The following KALRN variants were observed in gnomAD, a reference collection of about 807,000 sequenced individuals.
The protein encoded by KALRN is kalirin.
A neutral mutation model predicts 353.7 loss-of-function variants in KALRN; 70 were observed. The observed-to-expected ratio is 0.20, with a 90% CI of 0.16 to 0.24. The LOEUF (loss-of-function observed/expected upper bound fraction) is 0.24. Ranked by LOEUF, KALRN falls within the 10% of genes least tolerant of loss-of-function variation. The pLI is 1.00. For missense variants in KALRN, 2,791 were observed against 3,756.7 expected, an observed-to-expected ratio of 0.74 and a Z score of 6.72; for synonymous variants, 1,391 against 1,434.8, an observed-to-expected ratio of 0.97 and a Z score of 0.69.
intron 1 of KALRN, among the ~76,000 whole-genome samples, chr3:124,147,629 C>T (rs1220222928): frequency 1.4e-4 from 21 of 152,220 alleles, no homozygotes; most frequent in Admixed American, 1.4e-3. Flanking sequence ...CTGTTAACAT[C>T]TTGCACAACT....
chr3:124,467,744 A>T (rs1391410572), intron 25 of KALRN, among the ~76,000 whole-genome samples: 2 of 152,170 alleles, frequency 1.3e-5, no homozygotes, highest in African/African-American at 4.8e-5. Context: ...AGACGAGGAA[A>T]AGAAAGGAGA....
Position 124,681,120 on chromosome 3 carries a change from C to G in KALRN, c.7377+1603C>G, listed in dbSNP as rs2087721033. ...AAACAATTTAGGACCTTGTCCAGTTCTTGTGGACTAGGGGAGAAGAGTGAT... is the reference window on the plus strand; with the variant it reads ...AAACAATTTAGGACCTTGTCCAGTTGTTGTGGACTAGGGGAGAAGAGTGAT... On this transcript the variant is annotated intron_variant, in intron 51 of 59. Coordinates refer to ENST00000682506, the MANE Select transcript of KALRN (RefSeq NM_001388419.1). 2.0e-5 allele frequency among the ~76,000 whole-genome samples: 3 copies of G among 152,084 alleles called. No homozygotes were observed. The South Asian group carries it at 6.2e-4, about 32-fold the overall frequency.
chr3:124,325,203 C>T (rs1238211133), intron 6 of KALRN, among the ~76,000 whole-genome samples: 1 of 152,100 alleles, frequency 6.6e-6, no homozygotes. Context: ...GTAAACAAAA[C>T]ACAAGATGAC....
At chr3:124,417,940 G>A (rs2092593730) in intron 14 of KALRN, among the ~76,000 whole-genome samples, 1 of 152,162 alleles carries the variant, frequency 6.6e-6, no homozygotes, top group African/African-American at 2.4e-5. Context: ...TTTTCCAGCA[G>A]CATGAAGGAA....
chr3:124,488,923 A>G (rs2062844724), intron 29 of KALRN: 1 of 152,278 alleles, frequency 6.6e-6, no homozygotes, highest in South Asian at 2.1e-4. Flanking sequence ...ATAAGACTTC[A>G]GTCAGATGAA....
At chr3:124,270,772 G>A (rs2074048188) in intron 5 of KALRN, among the ~76,000 whole-genome samples, 2 of 151,750 alleles carry the variant, frequency 1.3e-5, no homozygotes, top group Non-Finnish European at 2.9e-5. Flanking sequence ...GCCAGAATCA[G>A]GTACTTTGGC....
At chr3:124,597,890 A>G (rs944859843) in intron 34 of KALRN, among the ~76,000 whole-genome samples, 1 of 152,180 alleles carries the variant, frequency 6.6e-6, no homozygotes, top group African/African-American at 2.4e-5. Context: ...ATTCCATTCT[A>G]TCTGTAGTAA....
intron 1 of KALRN, among the ~76,000 whole-genome samples, chr3:124,065,259 C>A (rs1163760981): frequency 6.6e-6 from 1 of 152,106 alleles, no homozygotes; most frequent in Non-Finnish European, 1.5e-5. Flanking sequence ...GCATATGAGC[C>A]AACACTGCAA....
chr3:124,435,362 C>T (rs997687055), intron 17 of KALRN, among the ~76,000 whole-genome samples: 2 of 152,164 alleles, frequency 1.3e-5, no homozygotes, highest in African/African-American at 4.8e-5. Context: ...GGAGAAAAGG[C>T]AGGAGCTGGA....
At position 124,441,938 on chromosome 3, in the gene KALRN, T is replaced by G. The variant is rs1403959992; in HGVS notation, c.3199-7T>G. The G allele has an allele frequency of 1.3e-6, 2 of 1,550,392 alleles. No homozygotes were observed. Among genetic ancestry groups the G allele is most frequent in the Admixed American group, 3.6e-5 (2 of 56,076 alleles). On this transcript the variant is annotated splice_polypyrimidine_tract_variant and splice_region_variant and intron_variant, in intron 18 of 59. Transcript: ENST00000682506. Reference sequence around the variant, plus strand: ...GGACAGGGGCCTCACAGCTTTGTCTTTCGCAGGCCTGCACCCTGGCTCGGC... The same window carrying G: ...GGACAGGGGCCTCACAGCTTTGTCTGTCGCAGGCCTGCACCCTGGCTCGGC...
intron 3 of KALRN, among the ~76,000 whole-genome samples, chr3:124,243,635 G>T (rs1010523605): frequency 1.8e-4 from 28 of 152,248 alleles, no homozygotes; most frequent in African/African-American, 6.3e-4. Context: ...GAGAAAGAAT[G>T]GGCTGCAGGG....
intron 37 of KALRN, among the ~76,000 whole-genome samples, chr3:124,645,073 AC>A (rs1200783612): frequency 6.6e-6 from 1 of 152,076 alleles, no homozygotes; most frequent in African/African-American, 2.4e-5. Context: ...TTCTCTAGTA[AC>A]CAGTGGTGAT....
At chr3:124,251,559 C>T (rs1267778526) in intron 3 of KALRN, among the ~76,000 whole-genome samples, 3 of 151,930 alleles carry the variant, frequency 2.0e-5, no homozygotes, top group African/African-American at 2.4e-5. Context: ...TTTGTAGAGA[C>T]GTGGTTCCAA....
intron 1 of KALRN, among the ~76,000 whole-genome samples, chr3:124,221,697 C>T (rs539233497): frequency 1.3e-5 from 2 of 152,140 alleles, no homozygotes; most frequent in African/African-American, 2.4e-5. Flanking sequence ...TGGTTAGCTC[C>T]GTGGATGATG....
At chr3:124,632,170 A>G (rs2080855895) in intron 34 of KALRN, among the ~76,000 whole-genome samples, 2 of 152,192 alleles carry the variant, frequency 1.3e-5, no homozygotes, top group South Asian at 4.1e-4. Context: ...AAACTCCGCG[A>G]AGGCAGGAGT....
intron 1 of KALRN, among the ~76,000 whole-genome samples, chr3:124,192,742 TAGA>T (rs1489386706): frequency 6.6e-6 from 1 of 152,212 alleles, no homozygotes; most frequent in African/African-American, 2.4e-5. Flanking sequence ...GGAGAGGCTG[TAGA>T]AGGACACAGC....
intron 34 of KALRN, among the ~76,000 whole-genome samples, chr3:124,569,452 T>C (rs2073271423): frequency 1.3e-5 from 2 of 152,256 alleles, no homozygotes; most frequent in Non-Finnish European, 2.9e-5. Context: ...CAAAAATACC[T>C]AACATTTATT....
At chr3:124,393,542 A>G (rs1322975501) in intron 11 of KALRN, among the ~76,000 whole-genome samples, 1 of 152,266 alleles carries the variant, frequency 6.6e-6, no homozygotes. Flanking sequence ...TGAACTAATT[A>G]CAACCAGACT....
intron 1 of KALRN, among the ~76,000 whole-genome samples, chr3:124,040,004 A>G (rs1256182809): frequency 6.6e-6 from 1 of 152,138 alleles, no homozygotes; most frequent in Non-Finnish European, 1.5e-5. Context: ...TATTTCTACT[A>G]TTAATATATT....
Sources: allele counts gnomAD v4.1 joint callset (sites outside exome capture counted in the v4.1 genomes callset), GRCh38; gene constraint gnomAD v4.1.1; transcripts MANE v1.5; gene names NCBI Gene and HGNC (gene_info 2026-07-23, HGNC 2026-07-21).